SGCZ: variants seen among roughly 807,000 people sequenced by gnomAD.
SGCZ encodes the protein sarcoglycan zeta, also known as zeta-sarcoglycan.
A neutral mutation model predicts 41.3 loss-of-function variants in SGCZ; 40 were observed. The observed-to-expected ratio is 0.97, with a 90% CI of 0.75 to 1.26. The LOEUF (loss-of-function observed/expected upper bound fraction) is 1.26, where lower values mean the gene tolerates loss of function less well. Among genes scored for constraint, SGCZ ranks in the 50% most tolerant of loss-of-function variants. SGCZ has a pLI of 0.00. For synonymous variants in SGCZ, 206 were observed against 137.5 expected (o/e 1.50, Z -3.49); for missense variants, 552 against 369.8 (o/e 1.49, Z -4.04).
At chr8:14,537,259 C>G (rs1209951736) in intron 2 of SGCZ, among the ~76,000 whole-genome samples, 2 of 151,806 alleles carry the variant, frequency 1.3e-5, no homozygotes, top group African/African-American at 4.8e-5. Context: ...AACTGCATTT[C>G]TTCACTATCA....
At chr8:14,933,820 T>A (rs1020173961) in intron 1 of SGCZ, among the ~76,000 whole-genome samples, 1 of 152,098 alleles carries the variant, frequency 6.6e-6, no homozygotes, top group African/African-American at 2.4e-5. Context: ...ATATCTAGTC[T>A]AATTGGCCAG....
chr8:14,327,644 C>G (rs1486005559), intron 2 of SGCZ, among the ~76,000 whole-genome samples: 1 of 152,126 alleles, frequency 6.6e-6, no homozygotes, highest in Non-Finnish European at 1.5e-5. Context: ...CTATGTGCAT[C>G]TTTGATTTTG....
intron 1 of SGCZ, among the ~76,000 whole-genome samples, chr8:14,625,118 T>A (rs1162173719): frequency 6.6e-6 from 1 of 152,206 alleles, no homozygotes; most frequent in Non-Finnish European, 1.5e-5. Flanking sequence ...GATAATACTG[T>A]GGTTGCAATA....
At chr8:14,411,901 C>G (rs1488950982) in intron 2 of SGCZ, among the ~76,000 whole-genome samples, 1 of 152,066 alleles carries the variant, frequency 6.6e-6, no homozygotes, top group Non-Finnish European at 1.5e-5. Flanking sequence ...GTATTTCAAT[C>G]TTACATGACC....
intron 2 of SGCZ, among the ~76,000 whole-genome samples, chr8:14,397,058 AT>A (rs1422711262): frequency 6.6e-6 from 1 of 152,086 alleles, no homozygotes; most frequent in Non-Finnish European, 1.5e-5. Context: ...AAAATGAGTA[AT>A]TTTACCTATT....
At chr8:15,128,836 C>A (rs541119366) in intron 1 of SGCZ, among the ~76,000 whole-genome samples, 1 of 152,134 alleles carries the variant, frequency 6.6e-6, no homozygotes, top group South Asian at 2.1e-4. Flanking sequence ...TCTCCTTCCC[C>A]TTAGACTGCT....
Position 14,549,419 on chromosome 8 carries a change from C to T in SGCZ, c.234+5313G>A, listed in dbSNP as rs189513609. 9.3e-4 allele frequency among the ~76,000 whole-genome samples: 141 copies of T among 151,872 alleles called. 1 individual carries two copies. The highest frequency in any genetic ancestry group is 7.1e-3 in the South Asian group (34 of 4,806). On this transcript the variant is annotated intron_variant, in intron 2 of 7. Transcript: ENST00000382080. ...AAGGACATTCATTTAAAAATGGGAA[C>T]GGATCAGAATCTGAAATAGTTTACT...
Position 14,834,283 on chromosome 8 carries a change from G to C in SGCZ, c.40-279357C>G, listed in dbSNP as rs372656394. Among the ~76,000 whole-genome samples the C allele has an allele frequency of 8.5e-5, 13 of 152,174 alleles. No individual in the cohort carries two copies. In the East Asian group the frequency reaches 2.3e-3, roughly 27 times the overall value. On this transcript the variant is annotated intron_variant, in intron 1 of 7. Coordinates refer to ENST00000382080, the MANE Select transcript of SGCZ (RefSeq NM_139167.4). ...ATTTTACAAAATCTTTTAGAATTTT[G>C]AGCTTAGCCATTTTATTCATGTCAT...
chr8:14,882,993 A>G (rs956792022), intron 1 of SGCZ, among the ~76,000 whole-genome samples: 3 of 152,112 alleles, frequency 2.0e-5, no homozygotes, highest in Admixed American at 6.6e-5. Flanking sequence ...CTCATTTTAC[A>G]TCTATGTATT....
chr8:14,412,556 G>T (rs2117280602), intron 2 of SGCZ, among the ~76,000 whole-genome samples: 1 of 152,118 alleles, frequency 6.6e-6, no homozygotes, highest in Admixed American at 6.6e-5. Flanking sequence ...CTAGTCATCA[G>T]GTAAAAACAC....
intron 1 of SGCZ, among the ~76,000 whole-genome samples, chr8:15,175,606 G>T (rs1265690530): frequency 1.3e-5 from 2 of 152,034 alleles, no homozygotes; most frequent in Non-Finnish European, 2.9e-5. Context: ...ATACCTGGAT[G>T]TTGAAATAAT....
At chr8:15,022,595 G>C (rs1803297473) in intron 1 of SGCZ, among the ~76,000 whole-genome samples, 1 of 152,094 alleles carries the variant, frequency 6.6e-6, no homozygotes, top group Non-Finnish European at 1.5e-5. Context: ...ACCCGCCTCG[G>C]CCTCACAAAG....
rs113241672 is a variant in SGCZ, at chr8:14,360,442, C to T, written c.235-36238G>A. On this transcript the variant is annotated intron_variant, in intron 2 of 7. Transcript: ENST00000382080. ...CTAGGTTCAACTGATTCTCCTGCCTCAGCCTCCTGAGCAGCTGGGATTACA... is the reference window on the plus strand; with the variant it reads ...CTAGGTTCAACTGATTCTCCTGCCTTAGCCTCCTGAGCAGCTGGGATTACA... 2.2e-4 allele frequency among the ~76,000 whole-genome samples: 33 copies of T among 152,110 alleles called. 2 individuals carry two copies. The highest frequency in any genetic ancestry group is 3.4e-4 in the African/African-American group (14 of 41,498).
At chr8:14,649,947 T>A (rs17119939) in intron 1 of SGCZ, among the ~76,000 whole-genome samples, 28,113 of 151,860 alleles carry the variant, frequency 0.19, 3,224 homozygotes, top group Admixed American at 0.25. Context: ...TTTAGGGCTA[T>A]TGGAAGCAGC....
At chr8:15,235,180 C>G (rs2117217302) in intron 1 of SGCZ, among the ~76,000 whole-genome samples, 1 of 152,278 alleles carries the variant, frequency 6.6e-6, no homozygotes, top group East Asian at 1.9e-4. Context: ...CCAAGCCAAC[C>G]AACTCCGCTA....
At chr8:14,583,594 G>C (rs549981147) in intron 1 of SGCZ, among the ~76,000 whole-genome samples, 5 of 152,210 alleles carry the variant, frequency 3.3e-5, no homozygotes, top group African/African-American at 1.2e-4. Flanking sequence ...CCTATGTCCT[G>C]AATGGTAGTG....
intron 2 of SGCZ, among the ~76,000 whole-genome samples, chr8:14,526,949 G>A (rs1293225244): frequency 3.3e-5 from 5 of 152,200 alleles, no homozygotes; most frequent in African/African-American, 9.6e-5. Flanking sequence ...TACTGGGCAC[G>A]ACAACAGACA....
intron 1 of SGCZ, among the ~76,000 whole-genome samples, chr8:14,876,721 A>C (rs1340346956): frequency 6.6e-6 from 1 of 152,208 alleles, no homozygotes; most frequent in Non-Finnish European, 1.5e-5. Flanking sequence ...CTTTGAACCA[A>C]CTGGTTGAAA....
chr8:14,392,087 G>T (rs1804797955), intron 2 of SGCZ, among the ~76,000 whole-genome samples: 1 of 152,076 alleles, frequency 6.6e-6, no homozygotes, highest in African/African-American at 2.4e-5. Flanking sequence ...AAGCTTAAAT[G>T]ATCCCCAGGT....
Sources: allele counts gnomAD v4.1 joint callset (sites outside exome capture counted in the v4.1 genomes callset), GRCh38; gene constraint gnomAD v4.1.1; transcripts MANE v1.5; gene names NCBI Gene and HGNC (gene_info 2026-07-23, HGNC 2026-07-21).